Variants in RBFOX1 observed in about 807,000 individuals in gnomAD.
RBFOX1 encodes the protein RNA binding protein fox-1 homolog 1.
Under a neutral mutation model 57.7 loss-of-function variants are expected in RBFOX1, and 8 were observed. That is an observed-to-expected ratio of 0.14 (90% confidence interval 0.08 to 0.25). The LOEUF is 0.25. Ranked by LOEUF, RBFOX1 falls within the 10% of genes least tolerant of loss-of-function variation. The pLI is 1.00. For missense variants in RBFOX1, 611 were observed against 548.5 expected (o/e 1.11, Z -1.14); for synonymous variants, 326 against 222.4 (o/e 1.47, Z -4.15).
At chr16:7,702,360 C>T (rs528874727) in intron 14 of RBFOX1, among the ~76,000 whole-genome samples, 1 of 152,256 alleles carries the variant, frequency 6.6e-6, no homozygotes, top group South Asian at 2.1e-4. Context: ...CCACAGAATC[C>T]CCAAGAAGCT....
chr16:6,556,310 T>C (rs754165666), intron 2 of RBFOX1, among the ~76,000 whole-genome samples: 1 of 152,216 alleles, frequency 6.6e-6, no homozygotes, highest in Non-Finnish European at 1.5e-5. Context: ...TAAAGGTTCA[T>C]TTGTTCTTCA....
intron 3 of RBFOX1, among the ~76,000 whole-genome samples, chr16:6,825,756 A>G (rs542752067): frequency 6.6e-6 from 1 of 152,264 alleles, no homozygotes; most frequent in African/African-American, 2.4e-5. Context: ...GACACGTGTA[A>G]CGGGGTCCTG....
chr16:6,661,766 T>C (rs1479372933), intron 3 of RBFOX1, among the ~76,000 whole-genome samples: 1 of 152,190 alleles, frequency 6.6e-6, no homozygotes, highest in Non-Finnish European at 1.5e-5. Context: ...TGTGACAGAA[T>C]GAACATGGGA....
chr16:6,917,832 G>A (rs1018462742), intron 3 of RBFOX1, among the ~76,000 whole-genome samples: 1 of 152,102 alleles, frequency 6.6e-6, no homozygotes, highest in African/African-American at 2.4e-5. Flanking sequence ...GGGCCCTGGG[G>A]GAGACATCAT....
chr16:5,326,517 A>T (rs2064577572), intron 1 of RBFOX1, among the ~76,000 whole-genome samples: 1 of 152,182 alleles, frequency 6.6e-6, no homozygotes, highest in Non-Finnish European at 1.5e-5. Context: ...ATAGGCTGTG[A>T]CCAGAGTGTG....
chr16:7,088,285 G>C (rs1170438291), intron 4 of RBFOX1, among the ~76,000 whole-genome samples: 4 of 152,180 alleles, frequency 2.6e-5, no homozygotes, highest in African/African-American at 9.7e-5. Flanking sequence ...TAATTACCAA[G>C]AATGAACTGC....
intron 4 of RBFOX1, among the ~76,000 whole-genome samples, chr16:7,245,173 C>G (rs991593740): frequency 6.6e-6 from 1 of 152,154 alleles, no homozygotes; most frequent in African/African-American, 2.4e-5. Context: ...TTACATGTCT[C>G]TCTAGATCCT....
intron 3 of RBFOX1, among the ~76,000 whole-genome samples, chr16:6,708,619 C>G (rs1406683253): frequency 6.6e-6 from 1 of 152,206 alleles, no homozygotes; most frequent in Non-Finnish European, 1.5e-5. Context: ...AAGCCAACAG[C>G]TGAGCGATTT....
intron 4 of RBFOX1, among the ~76,000 whole-genome samples, chr16:7,417,141 G>A (rs553533880): frequency 1.3e-4 from 20 of 152,060 alleles, no homozygotes; most frequent in Non-Finnish European, 2.1e-4. Context: ...AGGCGGAGGC[G>A]GGTGGATCAT....
At chr16:5,521,931 G>T (rs2044036753) in intron 2 of RBFOX1, among the ~76,000 whole-genome samples, 1 of 152,204 alleles carries the variant, frequency 6.6e-6, no homozygotes, top group Admixed American at 6.5e-5. Context: ...GGATGCCCTG[G>T]AGGAGTCAGA....
At chr16:6,968,813 G>GT (rs1259504331) in intron 3 of RBFOX1, among the ~76,000 whole-genome samples, 3 of 150,504 alleles carry the variant, frequency 2.0e-5, no homozygotes, top group East Asian at 1.9e-4. Context: ...ATTAATCCAG[G>GT]TTTTTTTGTT....
intron 1 of RBFOX1, among the ~76,000 whole-genome samples, chr16:5,314,104 C>T (rs1467595431): frequency 6.6e-6 from 1 of 152,214 alleles, no homozygotes; most frequent in Non-Finnish European, 1.5e-5. Context: ...TCATGAGACC[C>T]TCTTGACAAT....
chr16:6,977,296 T>G (rs1308597474), intron 3 of RBFOX1, among the ~76,000 whole-genome samples: 1 of 151,742 alleles, frequency 6.6e-6, no homozygotes, highest in African/African-American at 2.4e-5. Context: ...GGATTAATTT[T>G]CTTAATTATT....
At position 7,103,667 on chromosome 16, in the gene RBFOX1, C is replaced by T. The variant is rs142505839; in HGVS notation, c.27+51569C>T. ...TTTTGTTAAGTACATGTCTTGTTTA[C>T]ATAATAAAAATGACTTAAAGAAACG... On this transcript the variant is annotated intron_variant, in intron 4 of 15. Transcript: ENST00000550418. 8.9e-4 allele frequency among the ~76,000 whole-genome samples: 135 copies of T among 152,184 alleles called. 2 individuals are homozygous for T. The East Asian group carries it at 0.021, about 24-fold the overall frequency.
chr16:6,382,029 T>C (rs1227579203), intron 2 of RBFOX1, among the ~76,000 whole-genome samples: 1 of 152,232 alleles, frequency 6.6e-6, no homozygotes, highest in Non-Finnish European at 1.5e-5. Flanking sequence ...GCCATCTCTG[T>C]TGCTATTCAA....
chr16:6,961,906 T>G (rs2083100094), intron 3 of RBFOX1, among the ~76,000 whole-genome samples: 1 of 152,160 alleles, frequency 6.6e-6, no homozygotes, highest in South Asian at 2.1e-4. Context: ...ACATCCTGTT[T>G]TATCAGCAGG....
chr16:7,027,573 G>A (rs1405174845), intron 3 of RBFOX1, among the ~76,000 whole-genome samples: 2 of 151,988 alleles, frequency 1.3e-5, no homozygotes, highest in East Asian at 3.9e-4. Context: ...CTTAGACCAA[G>A]ACTAATGTAC....
At chr16:5,616,338 T>TG (rs1327067852) in intron 3 of RBFOX1, 1 of 152,218 alleles carries the variant, frequency 6.6e-6, no homozygotes, top group Non-Finnish European at 1.5e-5. Context: ...ACACCGCCCC[T>TG]GGGAGGGAGC....
At chr16:5,312,023 G>C (rs946630117) in intron 1 of RBFOX1, among the ~76,000 whole-genome samples, 7 of 152,224 alleles carry the variant, frequency 4.6e-5, no homozygotes, top group Admixed American at 3.9e-4. Context: ...CAGTGCTTCA[G>C]ATAGCACCTA....
Sources: allele counts gnomAD v4.1 joint callset (sites outside exome capture counted in the v4.1 genomes callset), GRCh38; gene constraint gnomAD v4.1.1; transcripts MANE v1.5; gene names NCBI Gene and HGNC (gene_info 2026-07-23, HGNC 2026-07-21).